Variants in CALN1 observed in about 807,000 individuals in gnomAD.
The protein encoded by CALN1 is calneuron 1, also known as calcium-binding protein 8.
CALN1 carries 17 observed loss-of-function variants against 30.6 expected under a neutral mutation model. The ratio of observed to expected loss-of-function variants is 0.56; its 90% confidence interval spans 0.38 to 0.83. The LOEUF (loss-of-function observed/expected upper bound fraction) is 0.83, where lower values mean the gene tolerates loss of function less well. CALN1 is among the 40% of genes least tolerant of loss of function. CALN1 has a pLI of 0.00. For synonymous variants in CALN1, 156 were observed against 131.4 expected, an observed-to-expected ratio of 1.19 and a Z score of -1.28; for missense variants, 291 against 354.9, an observed-to-expected ratio of 0.82 and a Z score of 1.45.
the CALN1 span, among the ~76,000 whole-genome samples, chr7:72,457,101 C>T: frequency 2.7e-5 from 4 of 150,166 alleles, no homozygotes; most frequent in South Asian, 4.2e-4. Flanking sequence ...CTCCACCTCC[C>T]GGGTTCAAGC....
At chr7:72,179,245 G>A (rs11976891) in intron 3 of CALN1, among the ~76,000 whole-genome samples, 5,051 of 152,282 alleles carry the variant, frequency 0.033, 270 homozygotes, top group African/African-American at 0.11. Flanking sequence ...AGCTCTGAGA[G>A]GCTAAATAAG....
chr7:72,350,899 G>A (rs1455449268), intron 2 of CALN1, among the ~76,000 whole-genome samples: 1 of 152,204 alleles, frequency 6.6e-6, no homozygotes, highest in Non-Finnish European at 1.5e-5. Context: ...CCAGCACTTT[G>A]GGAGGCCAAG....
At position 71,946,789 on chromosome 7, in the gene CALN1, TG is replaced by T. The variant is rs141904564; in HGVS notation, c.501+76867del. On this transcript the variant is annotated intron_variant, in intron 5 of 6. Transcript: ENST00000395275. ...GCATTGGATGGTACCTGACACGGTC[TG>T]GAATCAGGATTTCCTGACTTTGAAT... Among the ~76,000 whole-genome samples, 797 of 152,268 alleles carry T rather than the reference TG, an allele frequency of 5.2e-3. 5 individuals are homozygous for T. The highest frequency in any genetic ancestry group is 0.018 in the African/African-American group (753 of 41,554).
intron 4 of CALN1, among the ~76,000 whole-genome samples, chr7:72,025,867 C>G (rs945804930): frequency 6.6e-6 from 1 of 151,978 alleles, no homozygotes; most frequent in African/African-American, 2.4e-5. Flanking sequence ...CATCAAGATG[C>G]CAATAATTCA....
At chr7:72,149,735 C>G (rs936214173) in intron 3 of CALN1, among the ~76,000 whole-genome samples, 2 of 152,062 alleles carry the variant, frequency 1.3e-5, no homozygotes, top group African/African-American at 4.8e-5. Context: ...AATCTTTTCT[C>G]TTTTGCAAAA....
chr7:71,811,747 C>T (rs983580346), intron 5 of CALN1, among the ~76,000 whole-genome samples: 6 of 149,634 alleles, frequency 4.0e-5, no homozygotes, highest in Middle Eastern at 3.4e-3. Flanking sequence ...GGCGCGATCT[C>T]GGCTGACTGC....
chr7:72,336,716 C>CG (rs1404341167), intron 2 of CALN1: 1 of 985,174 alleles, frequency 1.0e-6, no homozygotes, highest in Non-Finnish European at 1.2e-6. Context: ...CTTGCTGGGC[C>CG]GGGGCTCCGC....
chr7:72,439,490 G>T (rs1246660240), intron 1 of CALN1, among the ~76,000 whole-genome samples: 3 of 151,830 alleles, frequency 2.0e-5, no homozygotes, highest in African/African-American at 7.3e-5. Context: ...AAGAGGAAAT[G>T]TTATTAAAAT....
rs1049243230 is a variant in CALN1, at chr7:72,141,443, T to C, written c.245-35149A>G. 2.6e-5 allele frequency among the ~76,000 whole-genome samples: 4 copies of C among 152,008 alleles called. No homozygotes were observed. The South Asian group carries it at 8.3e-4, about 32-fold the overall frequency. Reference sequence around the variant, plus strand: ...GGTGAAACCCAGTCTGTACTAAAAATACAAAAATTACCTGGGTGTGATGGC... The same window carrying C: ...GGTGAAACCCAGTCTGTACTAAAAACACAAAAATTACCTGGGTGTGATGGC... On this transcript the variant is annotated intron_variant, in intron 3 of 6. Coordinates refer to ENST00000395275, the MANE Select transcript of CALN1 (RefSeq NM_031468.4).
At chr7:72,112,214 G>C (rs1333025040) in intron 3 of CALN1, among the ~76,000 whole-genome samples, 2 of 152,132 alleles carry the variant, frequency 1.3e-5, no homozygotes, top group African/African-American at 4.8e-5. Flanking sequence ...ATCAGATAAA[G>C]TCCAGACACC....
intron 1 of CALN1, among the ~76,000 whole-genome samples, chr7:72,442,002 C>T (rs1335929087): frequency 1.3e-5 from 2 of 152,110 alleles, no homozygotes; most frequent in Admixed American, 6.6e-5. Context: ...AAACCTGCTC[C>T]ACCCACAGCT....
At chr7:71,971,437 C>T (rs550517221) in intron 5 of CALN1, among the ~76,000 whole-genome samples, 1 of 151,726 alleles carries the variant, frequency 6.6e-6, no homozygotes, top group East Asian at 2.0e-4. Flanking sequence ...GCAACAAGAG[C>T]GAAACTCTGC....
intron 2 of CALN1, among the ~76,000 whole-genome samples, chr7:72,370,222 TTGAA>T (rs1293898253): frequency 2.0e-5 from 3 of 152,336 alleles, no homozygotes; most frequent in African/African-American, 7.2e-5. Context: ...ATCAATGATG[TTGAA>T]TATCTTCTCA....
At chr7:72,259,191 C>T (rs535390726) in intron 3 of CALN1, among the ~76,000 whole-genome samples, 37 of 152,096 alleles carry the variant, frequency 2.4e-4, no homozygotes, top group Non-Finnish European at 2.4e-4. Flanking sequence ...CATTGACCAC[C>T]TTGTGATCAA....
chr7:72,431,171 C>A (rs779819734), intron 1 of CALN1, among the ~76,000 whole-genome samples: 1 of 152,006 alleles, frequency 6.6e-6, no homozygotes, highest in African/African-American at 2.4e-5. Context: ...CTCAAATGAT[C>A]CACTGGCCTC....
intron 2 of CALN1, among the ~76,000 whole-genome samples, chr7:72,320,644 G>A (rs999606106): frequency 4.6e-5 from 7 of 151,924 alleles, no homozygotes; most frequent in East Asian, 1.9e-4. Flanking sequence ...AGACCAGCCC[G>A]GCCAACATGG....
intron 3 of CALN1, among the ~76,000 whole-genome samples, chr7:72,258,906 AAAAAG>A (rs1346601817): frequency 2.2e-5 from 3 of 135,452 alleles, no homozygotes; most frequent in Admixed American, 7.5e-5. Flanking sequence ...GTAAAAAAAA[AAAAAG>A]AAAGAAAGAA....
chr7:72,309,065 A>T (rs896458870), intron 2 of CALN1, among the ~76,000 whole-genome samples: 3 of 152,188 alleles, frequency 2.0e-5, no homozygotes, highest in Admixed American at 2.0e-4. Context: ...ACTGGTTCAA[A>T]ACTGCAGAGT....
intron 2 of CALN1, among the ~76,000 whole-genome samples, chr7:72,290,985 G>A (rs929298840): frequency 6.7e-6 from 1 of 150,272 alleles, no homozygotes; most frequent in African/African-American, 2.5e-5. Context: ...GTGTAGTGGT[G>A]CAATTTGGGC....
Sources: gnomAD v4.1 joint callset for allele counts (sites outside exome capture counted in the v4.1 genomes callset) on GRCh38, gnomAD v4.1.1 for gene constraint, MANE v1.5 for transcripts, NCBI Gene and HGNC (gene_info 2026-07-23, HGNC 2026-07-21) for gene names.